DGKD: variants seen among roughly 807,000 people sequenced by gnomAD.
DGKD encodes the protein DAG kinase delta.
A neutral mutation model predicts 154.4 loss-of-function variants in DGKD; 68 were observed. The observed-to-expected ratio is 0.44, with a 90% CI of 0.36 to 0.54. The LOEUF is 0.54. DGKD is among the 20% of genes least tolerant of loss of function. The probability of loss-of-function intolerance (pLI) is 0.00; values close to 1 mark genes in which losing one functional copy is unlikely to be tolerated. For missense variants in DGKD, 1,343 were observed against 1,593.6 expected, an observed-to-expected ratio of 0.84 and a Z score of 2.68; for synonymous variants, 693 against 638.0, an observed-to-expected ratio of 1.09 and a Z score of -1.30.
At chr2:233,373,163 C>T (rs1194687320) in intron 1 of DGKD, among the ~76,000 whole-genome samples, 1 of 152,218 alleles carries the variant, frequency 6.6e-6, no homozygotes, top group African/African-American at 2.4e-5. Context: ...ATGCCTGAAG[C>T]TGCCAGCCAG....
chr2:233,355,285 ACT>A (rs1374107091), intron 1 of DGKD, among the ~76,000 whole-genome samples: 1 of 152,034 alleles, frequency 6.6e-6, no homozygotes, highest in African/African-American at 2.4e-5. Context: ...TTGGCACCCA[ACT>A]CTCCACGGAG....
Position 233,449,472 on chromosome 2 carries a change from G to A in DGKD, c.1888+96G>A. The A allele has an allele frequency of 1.4e-6, 2 of 1,461,088 alleles. No homozygotes were observed. The highest frequency in any genetic ancestry group is 1.4e-5 in the South Asian group (1 of 72,732). 90.5% of individuals were successfully genotyped at this position (1,461,088 alleles called of 1,614,324 possible). A position where few individuals can be genotyped will look rare whatever the true frequency, so the allele number is the denominator to read the frequency against. On this transcript the variant is annotated intron_variant, in intron 15 of 29. Coordinates refer to ENST00000264057, the MANE Select transcript of DGKD (RefSeq NM_152879.3). The surrounding 1 kb of genome is among the most constrained non-coding windows in gnomAD (Gnocchi z 5.3). ...CGGAGATGACAGAAGGGTGCATGTT[G>A]AGAAAACCTCCACTGCGGCCCTCTC...
chr2:233,370,317 G>A (rs926767988), intron 1 of DGKD, among the ~76,000 whole-genome samples: 4 of 152,034 alleles, frequency 2.6e-5, no homozygotes, highest in South Asian at 2.1e-4. Context: ...AGGTTCAAGC[G>A]ATCCTCTCAC....
intron 1 of DGKD, among the ~76,000 whole-genome samples, chr2:233,360,066 A>G (rs1318825170): frequency 6.6e-6 from 1 of 152,102 alleles, no homozygotes; most frequent in African/African-American, 2.4e-5. Flanking sequence ...CAGTCTGCTA[A>G]TAAGATGATG....
At chr2:233,385,278 G>A (rs564931593) in intron 1 of DGKD, among the ~76,000 whole-genome samples, 1 of 152,190 alleles carries the variant, frequency 6.6e-6, no homozygotes, top group Admixed American at 6.5e-5. Flanking sequence ...ATGTCTGTCG[G>A]GTCAGTGGGT....
At chr2:233,365,437 G>GGGGC (rs1701978687) in intron 1 of DGKD, among the ~76,000 whole-genome samples, 1 of 152,048 alleles carries the variant, frequency 6.6e-6, no homozygotes, top group East Asian at 1.9e-4. Flanking sequence ...TGGAGGGGGG[G>GGGGC]TCTCACCGTC....
intron 3 of DGKD, among the ~76,000 whole-genome samples, chr2:233,397,804 C>T (rs2061456582): frequency 6.6e-6 from 1 of 151,364 alleles, no homozygotes; most frequent in African/African-American, 2.4e-5. Flanking sequence ...GCGGAGGTGT[C>T]TAGGGGGCAG....
At chr2:233,439,323 G>C (rs547333074) in intron 9 of DGKD, among the ~76,000 whole-genome samples, 2 of 152,290 alleles carry the variant, frequency 1.3e-5, no homozygotes, top group East Asian at 3.9e-4. Context: ...CCAGCTCCCT[G>C]CGTGTCCTTG....
chr2:233,446,778 C>T lies in DGKD; in HGVS notation c.1401C>T (p.Asp467=). The T allele has an allele frequency of 6.2e-7, 1 of 1,614,254 alleles. No individual in the cohort carries two copies. The change falls in exon 12 of 30, where the codon GAC becomes GAT. Residue 467 remains aspartate (D), a synonymous_variant. Coordinates refer to ENST00000264057, the MANE Select transcript of DGKD (RefSeq NM_152879.3). ...RQASSSTVTE[D]FSEDSEVQQI... is the part of the protein sequence containing the mutation. ...CCTCCTCCTCTACCGTCACCGAAGA[C>T]TTCAGCGAGGATTCCGAGGTATTGC...
At chr2:233,367,851 CTTTTTTTTT>C (rs66652929) in intron 1 of DGKD, among the ~76,000 whole-genome samples, 59 of 124,076 alleles carry the variant, frequency 4.8e-4, no homozygotes, top group African/African-American at 1.7e-3. Flanking sequence ...TTTTTTTTTT[CTTTTTTTTT>C]TTTTTTTTTT....
rs182551599 is a variant in DGKD at position 233,378,153 on chromosome 2, C to T, written c.157-10104C>T. ...TTGAGGCCGGGTGTGGTGGCTCACG[C>T]CTGTAATCCTAGCACTTTGGGAGGC... On this transcript the variant is annotated intron_variant, in intron 1 of 29. Transcript: ENST00000264057. Among the ~76,000 whole-genome samples, 675 of 151,600 alleles carry T rather than the reference C, an allele frequency of 4.5e-3. 2 individuals are homozygous for T. The highest frequency in any genetic ancestry group is 8.3e-3 in the Admixed American group (127 of 15,244).
Position 233,437,769 on chromosome 2 carries a change from C to T in DGKD, c.922+290C>T, listed in dbSNP as rs113809759. On this transcript the variant is annotated intron_variant, in intron 8 of 29. Coordinates refer to ENST00000264057, the MANE Select transcript of DGKD (RefSeq NM_152879.3). ...CCTGAGACCCGAGCCTGGCACTTGA[C>T]GTGGAGGTGATGCTGTTGAGTGCAA... Among the ~76,000 whole-genome samples the T allele has an allele frequency of 6.6e-3, 1,012 of 152,262 alleles. 21 individuals are homozygous for T. The East Asian group carries it at 0.084, about 13-fold the overall frequency.
chr2:233,430,534 T>C (rs2062474788), intron 3 of DGKD, among the ~76,000 whole-genome samples: 1 of 152,172 alleles, frequency 6.6e-6, no homozygotes, highest in South Asian at 2.1e-4. Flanking sequence ...ATCTTAAAAA[T>C]GGAAGGAGAA....
intron 25 of DGKD, 54 bp downstream of exon 25, chr2:233,462,513 G>C: frequency 1.3e-6 from 2 of 1,552,516 alleles, no homozygotes; most frequent in Non-Finnish European, 1.8e-6. Flanking sequence ...TGCCGCCCTC[G>C]GCCCTCCCCG....
At chr2:233,460,865 C>T (rs62195093) in intron 24 of DGKD, among the ~76,000 whole-genome samples, 44,700 of 151,766 alleles carry the variant, frequency 0.29, 6,841 homozygotes, top group East Asian at 0.49. Flanking sequence ...GCACTCCAAC[C>T]TGGGCGACAG....
intron 1 of DGKD, among the ~76,000 whole-genome samples, chr2:233,362,505 G>T (rs1476796545): frequency 6.6e-6 from 1 of 152,122 alleles, no homozygotes; most frequent in Non-Finnish European, 1.5e-5. Context: ...ACAAAAATTA[G>T]CTGGGTGTGG....
Position 233,446,726 on chromosome 2 carries a change from C to T in DGKD, c.1349C>T (p.Ala450Val). ...TGTGTGTGCAGGTGGAGCGTCATGGCATACGAGGCCAAGCTCCCCCGGCAG... is the reference window on the plus strand; with the variant it reads ...TGTGTGTGCAGGTGGAGCGTCATGGTATACGAGGCCAAGCTCCCCCGGCAG... ...TKMLDRWSVM[A>V]YEAKLPRQAS... Residue 450 changes from alanine (A) to valine (V), a missense_variant, in exon 12 of 30, where the codon GCA becomes GTA. Around this residue, in one of 6 missense-constraint regions of DGKD, gnomAD observed 409 missense variants for 446.0 expected, o/e 0.92. Coordinates refer to ENST00000264057, the MANE Select transcript of DGKD (RefSeq NM_152879.3). 6.2e-7 allele frequency: 1 copy of T among 1,613,992 alleles called. No individual in the cohort carries two copies. Among genetic ancestry groups the T allele is most frequent in the Non-Finnish European group, 8.5e-7 (1 of 1,180,008 alleles).
chr2:233,386,920 C>T (rs527658264), intron 1 of DGKD, among the ~76,000 whole-genome samples: 2 of 152,272 alleles, frequency 1.3e-5, no homozygotes, highest in East Asian at 1.9e-4. Flanking sequence ...TGGCTGGTTG[C>T]GGGATAAGGA....
intron 13 of DGKD, 27 bp downstream of exon 13, chr2:233,448,208 G>C (rs2063148514): frequency 6.2e-7 from 1 of 1,613,946 alleles, no homozygotes; most frequent in Admixed American, 1.7e-5. Context: ...CCTGGGGAGG[G>C]CATGGTGCCC....
Sources: gnomAD v4.1 joint callset for allele counts (sites outside exome capture counted in the v4.1 genomes callset) on GRCh38, gnomAD v4.1.1 for gene constraint, gnomAD v4.1.1 regional missense constraint, Gnocchi (gnomAD v3.1) non-coding constraint, MANE v1.5 for transcripts, NCBI Gene and HGNC (gene_info 2026-07-23, HGNC 2026-07-21) for gene names.